MTHFS: variants seen among roughly 807,000 people sequenced by gnomAD.
MTHFS encodes the protein methenyltetrahydrofolate synthetase, also known as 5-formyltetrahydrofolate cyclo-ligase.
In MTHFS, 7 loss-of-function variants were observed where a neutral mutation model predicts 12.7. The observed-to-expected ratio is 0.55, with a 90% CI of 0.31 to 1.03. The LOEUF (loss-of-function observed/expected upper bound fraction) is 1.03. Ranked by LOEUF, MTHFS falls within the 50% of genes least tolerant of loss-of-function variation. The probability of loss-of-function intolerance (pLI) is 0.05; values close to 1 mark genes in which losing one functional copy is unlikely to be tolerated. For missense variants in MTHFS, 252 were observed against 258.1 expected (o/e 0.98, Z 0.16); for synonymous variants, 100 against 97.1 (o/e 1.03, Z -0.18).
chr15:79,887,362 T>C (rs74708526), intron 2 of MTHFS, among the ~76,000 whole-genome samples: 2,922 of 152,332 alleles, frequency 0.019, 116 homozygotes, highest in African/African-American at 0.066. Context: ...TGTACTTGAA[T>C]AGAACCAGAA....
intron 2 of MTHFS, among the ~76,000 whole-genome samples, chr15:79,875,629 A>C (rs919726683): frequency 6.6e-6 from 1 of 152,190 alleles, no homozygotes; most frequent in African/African-American, 2.4e-5. Context: ...ACTCTTAGAA[A>C]AAAACGGAGG....
intron 2 of MTHFS, among the ~76,000 whole-genome samples, chr15:79,879,766 T>C (rs2034265361): frequency 2.0e-5 from 3 of 152,186 alleles, no homozygotes; most frequent in South Asian, 4.1e-4. Flanking sequence ...ACCCATTTTA[T>C]ACACAGCACA....
intron 2 of MTHFS, among the ~76,000 whole-genome samples, chr15:79,874,509 C>T (rs1360791859): frequency 6.6e-6 from 1 of 152,130 alleles, no homozygotes; most frequent in Non-Finnish European, 1.5e-5. Flanking sequence ...GGTGCATTGT[C>T]AGGTCTTATC....
At chr15:79,856,949 A>T (rs551991425) in intron 2 of MTHFS, among the ~76,000 whole-genome samples, 5 of 151,988 alleles carry the variant, frequency 3.3e-5, no homozygotes, top group Admixed American at 2.6e-4. Flanking sequence ...GGTGTTTTGG[A>T]GCTATTTCTA....
chr15:79,858,626 T>C (rs1251060718), intron 2 of MTHFS, among the ~76,000 whole-genome samples: 1 of 152,166 alleles, frequency 6.6e-6, no homozygotes, highest in Non-Finnish European at 1.5e-5. Flanking sequence ...ATTGGGAGAC[T>C]GAAGACAAAT....
At chr15:79,887,215 ACT>A (rs1417087430) in intron 2 of MTHFS, among the ~76,000 whole-genome samples, 2 of 152,142 alleles carry the variant, frequency 1.3e-5, no homozygotes, top group Non-Finnish European at 2.9e-5. Flanking sequence ...ACAGAGTGAA[ACT>A]CTGTCTCAAA....
chr15:79,845,659 A>C (rs2033600899), intron 2 of MTHFS, among the ~76,000 whole-genome samples: 1 of 152,202 alleles, frequency 6.6e-6, no homozygotes, highest in African/African-American at 2.4e-5. Context: ...CAGATCTTTT[A>C]CATATATCTG....
intron 2 of MTHFS, among the ~76,000 whole-genome samples, chr15:79,888,870 G>A (rs185252199): frequency 2.6e-5 from 4 of 152,214 alleles, no homozygotes. Context: ...CACAAGGTAG[G>A]GCAACAATAT....
At chr15:79,848,399 A>G (rs1162281541) in intron 2 of MTHFS, among the ~76,000 whole-genome samples, 2 of 152,246 alleles carry the variant, frequency 1.3e-5, no homozygotes, top group East Asian at 3.8e-4. Context: ...TTCATGGAAG[A>G]TGAAAAAGTT....
intron 1 of MTHFS, among the ~76,000 whole-genome samples, chr15:79,893,523 C>A (rs1461534193): frequency 5.3e-5 from 8 of 151,692 alleles, no homozygotes; most frequent in African/African-American, 1.7e-4. Flanking sequence ...ACGGTGAAAC[C>A]CCATCTCTAC....
chr15:79,896,064 C>T (rs2034562359), intron 1 of MTHFS, among the ~76,000 whole-genome samples: 1 of 152,224 alleles, frequency 6.6e-6, no homozygotes, highest in Non-Finnish European at 1.5e-5. Flanking sequence ...ATTACATAGA[C>T]TAAAAATACA....
At chr15:79,873,964 G>C (rs2034147845) in intron 2 of MTHFS, among the ~76,000 whole-genome samples, 1 of 152,148 alleles carries the variant, frequency 6.6e-6, no homozygotes, top group African/African-American at 2.4e-5. Flanking sequence ...AGAAACTATA[G>C]GGATATGCAG....
chr15:79,849,054 C>T (rs879925935), intron 2 of MTHFS, among the ~76,000 whole-genome samples: 7 of 152,144 alleles, frequency 4.6e-5, no homozygotes, highest in African/African-American at 9.7e-5. Context: ...GAGTTTTACA[C>T]TTGAGAAGCA....
rs149147592 is a variant in MTHFS, at chr15:79,882,195, C to T, written c.379+6898G>A. Among the ~76,000 whole-genome samples, 624 of 152,306 alleles carry T rather than the reference C, an allele frequency of 4.1e-3. 9 individuals carry two copies. The highest frequency in any genetic ancestry group is 0.015 in the African/African-American group (609 of 41,554). ...CTTTCAATGAGAAGATAAGCTGTAACTCATATTAAAATATCATACCATGTA... is the reference window on the plus strand; with the variant it reads ...CTTTCAATGAGAAGATAAGCTGTAATTCATATTAAAATATCATACCATGTA... On this transcript the variant is annotated intron_variant, in intron 2 of 2. Coordinates refer to ENST00000258874, the MANE Select transcript of MTHFS (RefSeq NM_006441.4).
intron 2 of MTHFS, among the ~76,000 whole-genome samples, chr15:79,868,726 A>G (rs72734754): frequency 0.011 from 1,705 of 152,358 alleles, 11 homozygotes; most frequent in Middle Eastern, 0.031. Flanking sequence ...TTTACACCAT[A>G]GGCTCCCCTG....
rs187684869 is a variant in MTHFS at position 79,888,280 on chromosome 15, G to A, written c.379+813C>T. On this transcript the variant is annotated intron_variant, in intron 2 of 2. Transcript: ENST00000258874. ...GCTGGAACTCAGACTATGAAGTGGG[G>A]AGTAGAAAGATGTGAAAATAGAAAG... 2.6e-5 allele frequency among the ~76,000 whole-genome samples: 4 copies of A among 152,230 alleles called. No homozygotes were observed. The East Asian group carries it at 7.7e-4, about 29-fold the overall frequency.
intron 2 of MTHFS, among the ~76,000 whole-genome samples, chr15:79,886,736 G>A (rs2034389054): frequency 1.3e-5 from 2 of 152,150 alleles, no homozygotes; most frequent in South Asian, 4.1e-4. Flanking sequence ...GCTATAGTGT[G>A]AGTCCCTTCA....
At chr15:79,877,705 A>C (rs1297221446) in intron 2 of MTHFS, 6 of 152,060 alleles carry the variant, frequency 3.9e-5, no homozygotes, top group African/African-American at 1.4e-4. Context: ...ATCTCAAAAA[A>C]AAAAGAAAAG....
At chr15:79,871,711 C>T (rs6495451) in intron 2 of MTHFS, among the ~76,000 whole-genome samples, 76,119 of 151,772 alleles carry the variant, frequency 0.5, 19,241 homozygotes, top group South Asian at 0.57. Context: ...TTAAGTACTA[C>T]CAAGGAAACT....
Sources: allele counts gnomAD v4.1 joint callset (sites outside exome capture counted in the v4.1 genomes callset), GRCh38; gene constraint gnomAD v4.1.1; transcripts MANE v1.5; gene names NCBI Gene and HGNC (gene_info 2026-07-23, HGNC 2026-07-21).